The following PCDHA1 variants were observed in gnomAD, a reference collection of about 807,000 sequenced individuals.
The protein encoded by PCDHA1 is protocadherin alpha 1, also known as protocadherin alpha-1.
Under a neutral mutation model 61.3 loss-of-function variants are expected in PCDHA1, and 42 were observed. The ratio of observed to expected loss-of-function variants is 0.69; its 90% CI spans 0.54 to 0.89. The LOEUF (loss-of-function observed/expected upper bound fraction) is 0.89. Among genes scored for constraint, PCDHA1 ranks in the 40% least tolerant of loss-of-function variants. The probability of loss-of-function intolerance (pLI) is 0.00; values close to 1 mark genes in which losing one functional copy is unlikely to be tolerated. For synonymous variants in PCDHA1, 610 were observed against 553.8 expected, an observed-to-expected ratio of 1.10 and a Z score of -1.43; for missense variants, 1,256 against 1,235.3, an observed-to-expected ratio of 1.02 and a Z score of -0.25.
chr5:140,837,299 G>A (rs2150274522), intron 1 of PCDHA1: 88,040 of 151,626 alleles, frequency 0.58, 26,686 homozygotes, highest in African/African-American at 0.73. Context: ...ACTTTGTTGA[G>A]ATGTATTTGC....
chr5:140,830,257 G>T (rs1581901410), intron 1 of PCDHA1: 1 of 1,613,574 alleles, frequency 6.2e-7, no homozygotes, highest in Admixed American at 1.7e-5. Flanking sequence ...CAGCGCTGCG[G>T]TGCTCGGCGC....
intron 1 of PCDHA1, chr5:140,815,969 G>T (rs1765823942): frequency 6.6e-6 from 1 of 152,094 alleles, no homozygotes; most frequent in South Asian, 2.1e-4. Context: ...GTGTTCTTTT[G>T]TACGTGATGA....
intron 1 of PCDHA1, chr5:140,830,429 C>T (rs2150186384): frequency 6.2e-7 from 1 of 1,613,784 alleles, no homozygotes; most frequent in African/African-American, 1.3e-5. Flanking sequence ...TTCACCTTGT[C>T]CTATTATGAT....
rs781909050 is a variant in PCDHA1, at chr5:140,788,254, G to C, written c.1964G>C (p.Gly655Ala). 1 of 1,613,966 alleles carries C rather than the reference G, an allele frequency of 6.2e-7. No individual in the cohort carries two copies. Among genetic ancestry groups the C allele is most frequent in the South Asian group, 1.1e-5 (1 of 91,078 alleles). ...CTTCTGGTGCTAGTGAAGGATCACG[G>C]TGAGCCGGCGCTGACAGCCACGGCC... is the stretch of plus-strand genomic sequence containing the variant. ...YRLLVLVKDHGEPALTATATV... is the reference protein window; with the variant it reads ...YRLLVLVKDHAEPALTATATV... Residue 655 changes from glycine (G) to alanine (A), a missense_variant, in exon 1 of 4, where the codon GGT becomes GCT. Gly to Ala is a moderately conservative substitution (Grantham distance 60). Coordinates refer to ENST00000504120, the MANE Select transcript of PCDHA1 (RefSeq NM_018900.4).
rs374506056 is a variant in PCDHA1, at chr5:140,858,272, G to T, written c.2394+69588G>T. 1.3e-4 allele frequency: 201 copies of T among 1,597,346 alleles called. 14 individuals carry two copies. In the African/African-American group the frequency reaches 2.1e-3, roughly 17 times the overall value. On this transcript the variant is annotated intron_variant, in intron 1 of 3. Transcript: ENST00000504120. The stretch of plus-strand genomic sequence containing the variant: ...GAAGCCCACGCTGGTGTGCTCTAGC[G>T]CGGTGGGGAGCTGGTCTTACTCGCA...
chr5:140,815,900 A>G (rs2126667825), intron 1 of PCDHA1: 61 of 152,250 alleles, frequency 4.0e-4, no homozygotes, highest in African/African-American at 1.4e-3. Context: ...TCAGTATAAC[A>G]TCTCACCCCT....
chr5:140,823,565 A>G, intron 1 of PCDHA1: 1 of 1,613,806 alleles, frequency 6.2e-7, no homozygotes, highest in Non-Finnish European at 8.5e-7. Flanking sequence ...CGCGCAGTGG[A>G]CCCTGATTCG....
At chr5:140,883,217 G>A (rs868963567) in intron 1 of PCDHA1, 1 of 1,613,990 alleles carries the variant, frequency 6.2e-7, no homozygotes, top group Non-Finnish European at 8.5e-7. Context: ...GAAATTATAT[G>A]AAATATCCGT....
At chr5:140,843,923 C>T (rs1779144561) in intron 1 of PCDHA1, 1 of 599,994 alleles carries the variant, frequency 1.7e-6, no homozygotes, top group Non-Finnish European at 2.9e-6. Context: ...TATCTTGAAA[C>T]TCAAGTTATG....
Position 140,827,976 on chromosome 5 carries a change from C to T in PCDHA1, c.2394+39292C>T, listed in dbSNP as rs1769473350. The T allele has an allele frequency of 1.3e-5, 18 of 1,405,264 alleles. No individual in the cohort carries two copies. In the Middle Eastern group the frequency reaches 7.7e-4, roughly 60 times the overall value. 87.0% of individuals were successfully genotyped at this position (1,405,264 alleles called of 1,614,324 possible). On this transcript the variant is annotated intron_variant, in intron 1 of 3. Coordinates refer to ENST00000504120, the MANE Select transcript of PCDHA1 (RefSeq NM_018900.4). Reference sequence around the variant, plus strand: ...ATTTCTTCTATTACTGCATCATTCCCTGACTGTTGAATGATGGCGGACGCA... The same window carrying T: ...ATTTCTTCTATTACTGCATCATTCCTTGACTGTTGAATGATGGCGGACGCA...
rs2098421437 is a variant in PCDHA1, at chr5:141,011,660, T to G, written c.*1723T>G. The G allele has an allele frequency of 6.5e-6, 1 of 153,726 alleles. No individual in the cohort carries two copies. Among genetic ancestry groups the G allele is most frequent in the African/African-American group, 2.4e-5 (1 of 41,436 alleles). The allele number at this position is 153,726 out of a possible 1,614,324, so 9.5% of individuals were successfully genotyped here. On this transcript the variant is annotated 3_prime_UTR_variant, in exon 4 of 4. Coordinates refer to ENST00000504120, the MANE Select transcript of PCDHA1 (RefSeq NM_018900.4). ...GCCAAGACTTCTGCTGGCAAGGGAATGGATAAAGCTGTTTTGTTCTAGTAA... is the reference window on the plus strand; with the variant it reads ...GCCAAGACTTCTGCTGGCAAGGGAAGGGATAAAGCTGTTTTGTTCTAGTAA...
chr5:140,984,882 A>G (rs1456658089), intron 3 of PCDHA1, among the ~76,000 whole-genome samples: 3 of 152,150 alleles, frequency 2.0e-5, no homozygotes, highest in African/African-American at 7.2e-5. Context: ...AGTTACCATG[A>G]GAACTAAAGG....
rs190398483 is a variant in PCDHA1 at position 140,849,974 on chromosome 5, G to T, written c.2394+61290G>T. The T allele has an allele frequency of 6.3e-6, 10 of 1,597,556 alleles. 1 individual carries two copies. Among genetic ancestry groups the T allele is most frequent in the Admixed American group, 5.1e-5 (3 of 59,294 alleles). On this transcript the variant is annotated intron_variant, in intron 1 of 3. Coordinates refer to ENST00000504120, the MANE Select transcript of PCDHA1 (RefSeq NM_018900.4). ...AGGAGAACGCCCTGGTGTCCTACTC[G>T]CTGGTGGAGCGGCGGTTGGGCGAGC...
chr5:140,828,212 C>T, intron 1 of PCDHA1: 1 of 1,614,066 alleles, frequency 6.2e-7, no homozygotes, highest in South Asian at 1.1e-5. Flanking sequence ...GGAGGCCAAA[C>T]ACGGCACCTT....
chr5:140,901,177 G>T (rs2068485979), intron 1 of PCDHA1, among the ~76,000 whole-genome samples: 1 of 152,034 alleles, frequency 6.6e-6, no homozygotes, highest in African/African-American at 2.4e-5. Flanking sequence ...TCACTTTGTT[G>T]ATTGTTTGCT....
chr5:140,857,746 G>C lies in PCDHA1; in HGVS notation c.2394+69062G>C. 5.0e-6 allele frequency: 8 copies of C among 1,597,368 alleles called. No homozygotes were observed. In the South Asian group the frequency reaches 8.8e-5, roughly 18 times the overall value. On this transcript the variant is annotated intron_variant, in intron 1 of 3. Coordinates refer to ENST00000504120, the MANE Select transcript of PCDHA1 (RefSeq NM_018900.4). ...ACGACAACGCTCCCGCGCTGCTGGC[G>C]TCTCCCGCTGGCAGCGCGGGCGGTG...
rs2098415868 is a variant in PCDHA1 at position 141,010,044 on chromosome 5, G to A, written c.*107G>A. On this transcript the variant is annotated 3_prime_UTR_variant, in exon 4 of 4. Coordinates refer to ENST00000504120, the MANE Select transcript of PCDHA1 (RefSeq NM_018900.4). ...TTTCCTATCTACATGAGCCCTCTTA[G>A]AGACCTCAGAAATCTGCAGAAAGTT... 6.3e-7 allele frequency: 1 copy of A among 1,594,604 alleles called. No individual in the cohort carries two copies. The highest frequency in any genetic ancestry group is 8.5e-7 in the Non-Finnish European group (1 of 1,171,226).
intron 1 of PCDHA1, chr5:140,823,887 T>C: frequency 1.2e-6 from 2 of 1,613,952 alleles, no homozygotes; most frequent in Non-Finnish European, 1.7e-6. Context: ...TCGCCATCTG[T>C]GCGGTGTCCA....
At chr5:140,937,150 G>C (rs2153631833) in intron 1 of PCDHA1, among the ~76,000 whole-genome samples, 1 of 149,812 alleles carries the variant, frequency 6.7e-6, no homozygotes, top group East Asian at 2.0e-4. Context: ...CCATTCTCCT[G>C]CCTCAGCCTC....
Sources: allele counts gnomAD v4.1 joint callset (sites outside exome capture counted in the v4.1 genomes callset), GRCh38; gene constraint gnomAD v4.1.1; transcripts MANE v1.5; gene names NCBI Gene and HGNC (gene_info 2026-07-23, HGNC 2026-07-21).